The following MALRD1 variants were observed in gnomAD, a reference collection of about 807,000 sequenced individuals.
MALRD1 encodes MAM and LDL-receptor class A domain-containing protein 1.
In MALRD1, 247 loss-of-function variants were observed where a neutral mutation model predicts 242.1. That is an observed-to-expected ratio of 1.02 (90% CI 0.92 to 1.13). The LOEUF is 1.13. Ranked by LOEUF, MALRD1 falls within the 50% of genes most tolerant of loss-of-function variation. The pLI, the probability that MALRD1 is intolerant of heterozygous loss-of-function variation, is 0.00. For missense variants in MALRD1, 2,989 were observed against 2,533.1 expected (o/e 1.18, Z -3.86); for synonymous variants, 995 against 866.6 (o/e 1.15, Z -2.60).
intron 18 of MALRD1, among the ~76,000 whole-genome samples, chr10:19,231,088 G>A (rs1442228796): frequency 2.0e-5 from 3 of 152,126 alleles, no homozygotes; most frequent in African/African-American, 7.2e-5. Flanking sequence ...ATTCTCAGGA[G>A]ATCTAATTAA....
chr10:19,271,724 C>T (rs1450666286), intron 19 of MALRD1, among the ~76,000 whole-genome samples: 1 of 152,172 alleles, frequency 6.6e-6, no homozygotes, highest in Admixed American at 6.5e-5. Context: ...GATCTCACCA[C>T]TGCACTCCAT....
At chr10:19,266,441 G>A (rs75675599) in intron 19 of MALRD1, among the ~76,000 whole-genome samples, 2,324 of 151,868 alleles carry the variant, frequency 0.015, 63 homozygotes, top group African/African-American at 0.053. Context: ...TAGTTACAAC[G>A]ATTCATTTTA....
chr10:19,158,929 C>G (rs964494050), intron 12 of MALRD1, among the ~76,000 whole-genome samples: 2 of 152,188 alleles, frequency 1.3e-5, no homozygotes, highest in African/African-American at 4.8e-5. Context: ...GGATCATGTC[C>G]TGCAATGGTG....
At chr10:19,102,066 TATAAC>T (rs1445572931) in intron 4 of MALRD1, among the ~76,000 whole-genome samples, 2 of 94,854 alleles carry the variant, frequency 2.1e-5, no homozygotes, top group South Asian at 3.2e-4. Flanking sequence ...ATAATATAAT[TATAAC>T]ATATATATGG....
chr10:19,238,501 A>G (rs1203572962), intron 18 of MALRD1, among the ~76,000 whole-genome samples: 2 of 39,742 alleles, frequency 5.0e-5, no homozygotes, highest in Non-Finnish European at 8.4e-5. Flanking sequence ...AATATATAAT[A>G]TAATATATAA....
chr10:19,601,550 T>C (rs1359843889), intron 34 of MALRD1, among the ~76,000 whole-genome samples: 1 of 152,070 alleles, frequency 6.6e-6, no homozygotes, highest in African/African-American at 2.4e-5. Flanking sequence ...ACAAATTTCA[T>C]AAAGCCAAAG....
intron 18 of MALRD1, among the ~76,000 whole-genome samples, chr10:19,224,283 GC>G (rs1156792952): frequency 7.4e-6 from 1 of 134,264 alleles, no homozygotes; most frequent in Non-Finnish European, 1.6e-5. Flanking sequence ...GGGATGATGA[GC>G]TTTTTTTTTT....
intron 34 of MALRD1, among the ~76,000 whole-genome samples, chr10:19,604,906 C>T (rs1838533611): frequency 6.6e-6 from 1 of 152,048 alleles, no homozygotes; most frequent in South Asian, 2.1e-4. Flanking sequence ...ACTGAGCCTG[C>T]CATATTGCTG....
chr10:19,347,889 A>G lies in MALRD1; in HGVS notation c.4020A>G (p.Pro1340=). Residue 1340 remains proline, a synonymous_variant, in exon 25 of 40, where the codon CCA becomes CCG. Transcript: ENST00000454679. ...ASSIPAAGTE[P]AADHTLGNSS... is the part of the protein sequence containing the mutation. ...GCATCCCTGCAGCAGGCACAGAGCC[A>G]GCAGCAGATCACACTTTGGGAAATT... 6.4e-7 allele frequency: 1 copy of G among 1,550,440 alleles called. No individual in the cohort carries two copies. The highest frequency in any genetic ancestry group is 8.7e-7 in the Non-Finnish European group (1 of 1,146,852).
intron 26 of MALRD1, among the ~76,000 whole-genome samples, chr10:19,376,542 CT>C (rs57836152): frequency 0.11 from 10,316 of 94,760 alleles, 1,468 homozygotes; most frequent in Non-Finnish European, 0.12. Context: ...TTGATACATT[CT>C]TTTTTTTTTT....
chr10:19,390,669 C>CT (rs979625917), intron 28 of MALRD1, among the ~76,000 whole-genome samples: 55 of 145,982 alleles, frequency 3.8e-4, no homozygotes, highest in Non-Finnish European at 4.9e-4. Context: ...GAGACCATTG[C>CT]TTTTTTTTTT....
At chr10:19,520,155 A>G (rs1215036824) in intron 31 of MALRD1, among the ~76,000 whole-genome samples, 1 of 152,134 alleles carries the variant, frequency 6.6e-6, no homozygotes, top group Non-Finnish European at 1.5e-5. Flanking sequence ...CCCCAACTAC[A>G]CAGAAGGCAC....
chr10:19,388,203 A>G (rs1375309027), intron 27 of MALRD1, among the ~76,000 whole-genome samples: 1 of 152,182 alleles, frequency 6.6e-6, no homozygotes, highest in African/African-American at 2.4e-5. Flanking sequence ...GGACCCAGTC[A>G]TATTGGATTA....
chr10:19,429,714 C>A (rs897133375), intron 28 of MALRD1, among the ~76,000 whole-genome samples: 1 of 152,136 alleles, frequency 6.6e-6, no homozygotes, highest in African/African-American at 2.4e-5. Context: ...GTTCAATTAT[C>A]TTCATCTAAT....
At chr10:19,458,793 C>T (rs1419606783) in intron 29 of MALRD1, among the ~76,000 whole-genome samples, 5 of 151,894 alleles carry the variant, frequency 3.3e-5, no homozygotes, top group Non-Finnish European at 7.4e-5. Context: ...TTAAAAGGGG[C>T]CTTATATCCC....
chr10:19,464,161 G>A (rs1452975457), intron 29 of MALRD1, among the ~76,000 whole-genome samples: 1 of 152,174 alleles, frequency 6.6e-6, no homozygotes, highest in Admixed American at 6.5e-5. Flanking sequence ...CCATTCTGTA[G>A]GTTGTCTGTT....
chr10:19,214,390 G>A (rs1259194833), intron 18 of MALRD1, among the ~76,000 whole-genome samples: 1 of 152,116 alleles, frequency 6.6e-6, no homozygotes, highest in African/African-American at 2.4e-5. Flanking sequence ...TTTTTTGGTT[G>A]TTTCAGGAGG....
intron 28 of MALRD1, among the ~76,000 whole-genome samples, chr10:19,418,771 G>T (rs554187022): frequency 6.6e-6 from 1 of 152,250 alleles, no homozygotes; most frequent in East Asian, 1.9e-4. Context: ...AATAAATTGT[G>T]ATTGTCTCTC....
chr10:19,518,564 C>T (rs767794410), intron 31 of MALRD1, among the ~76,000 whole-genome samples: 53 of 152,118 alleles, frequency 3.5e-4, no homozygotes, highest in Admixed American at 1.2e-3. Flanking sequence ...TAATGACATA[C>T]GTTGCCTTCA....
Sources: allele counts gnomAD v4.1 joint callset (sites outside exome capture counted in the v4.1 genomes callset), GRCh38; gene constraint gnomAD v4.1.1; transcripts MANE v1.5; gene names NCBI Gene and HGNC (gene_info 2026-07-23, HGNC 2026-07-21).